ZAN: variants seen among roughly 807,000 people sequenced by gnomAD.
ZAN encodes zonadhesin (gene/pseudogene).
ZAN carries 260 observed loss-of-function variants against 286.2 expected under a neutral mutation model. That is an observed-to-expected ratio of 0.91 (90% CI 0.82 to 1.01). ZAN has a LOEUF of 1.01. Ranked by LOEUF, ZAN falls within the 50% of genes least tolerant of loss-of-function variation. The pLI is 0.00. For missense variants in ZAN, 3,410 were observed against 3,639.2 expected (o/e 0.94, Z 1.62); for synonymous variants, 1,368 against 1,417.5 (o/e 0.97, Z 0.79).
At chr7:100,774,780 C>T (rs953506526) in intron 31 of ZAN, among the ~76,000 whole-genome samples, 2 of 151,366 alleles carry the variant, frequency 1.3e-5, no homozygotes, top group Non-Finnish European at 2.9e-5. Context: ...GAGCTATGAC[C>T]ATATGCCATT....
At chr7:100,783,791 T>C (rs376921810) in intron 35 of ZAN, among the ~76,000 whole-genome samples, 223 of 14,542 alleles carry the variant, frequency 0.015, 10 homozygotes, top group East Asian at 0.048. Context: ...TATACACATA[T>C]ATATATATAC....
chr7:100,746,398 G>C, intron 7 of ZAN, 140 bp from the exon 8 acceptor site: 1 of 1,104,028 alleles, frequency 9.1e-7, no homozygotes, highest in Non-Finnish European at 1.3e-6. Flanking sequence ...AGTTGGGATA[G>C]GACCACCTCA....
At position 100,736,928 on chromosome 7, in the gene ZAN, G is replaced by T. The variant is rs762580253; in HGVS notation, c.373G>T (p.Gly125Trp). 6.7e-7 allele frequency: 1 copy of T among 1,498,912 alleles called. No individual in the cohort carries two copies. Among genetic ancestry groups the T allele is most frequent in the South Asian group, 1.2e-5 (1 of 85,788 alleles). 92.9% of individuals were successfully genotyped at this position (1,498,912 alleles called of 1,614,324 possible). Residue 125 changes from glycine to tryptophan, a missense_variant, in exon 5 of 48, where the codon GGG becomes TGG. By Grantham distance (184) the Gly-to-Trp change is radical. Transcript: ENST00000613979. Reference protein sequence around the residue: ...LCVHFAHHMFGLSWGAQLRLL... With the variant: ...LCVHFAHHMFWLSWGAQLRLL... The stretch of plus-strand genomic sequence containing the variant: ...TGTGCACTTTGCCCACCACATGTTC[G>T]GGCTGTCTTGGGGCGCCCAGCTCAG...
chr7:100,742,894 A>AGGGGG, intron 7 of ZAN, among the ~76,000 whole-genome samples: 1 of 35,230 alleles, frequency 2.8e-5, no homozygotes, highest in African/African-American at 8.6e-5. Flanking sequence ...GGGGAGGGGG[A>AGGGGG]CGGGGACGAT....
rs182160214 is a variant in ZAN at position 100,771,029 on chromosome 7, C to T, written c.5249-815C>T. 5.6e-4 allele frequency among the ~76,000 whole-genome samples: 85 copies of T among 152,226 alleles called. 2 individuals carry two copies. The highest frequency in any genetic ancestry group is 1.8e-3 in the African/African-American group (76 of 41,526). ...ATGTTGGCCAGGCTGATCTTGAACT[C>T]CTGACCTCAAATGATCCACCTGCCT... On this transcript the variant is annotated intron_variant, in intron 28 of 47. Coordinates refer to ENST00000613979, the MANE Select transcript of ZAN (RefSeq NM_003386.3).
chr7:100,779,109 A>G (rs892682581), intron 34 of ZAN, among the ~76,000 whole-genome samples: 7 of 151,878 alleles, frequency 4.6e-5, no homozygotes, highest in African/African-American at 1.7e-4. Flanking sequence ...AGGCTGAGGC[A>G]GGAGAATCGC....
chr7:100,762,380 C>CG (rs777039290), intron 20 of ZAN, 22 bp downstream of exon 20: 1 of 1,583,516 alleles, frequency 6.3e-7, no homozygotes, highest in Non-Finnish European at 8.6e-7. Flanking sequence ...GCCCTCCCAC[C>CG]GGGGCCCTGG....
rs752559382 is a variant in ZAN at position 100,751,903 on chromosome 7, A to G, written c.1798A>G (p.Ile600Val). Residue 600 changes from isoleucine (I) to valine (V), a missense_variant, in exon 14 of 48, where the codon ATC becomes GTC. Transcript: ENST00000613979. The part of the protein sequence containing the change: ...KPTIPTEKPT[I>V]STEKPTIPSE... ...CACCATTCCCACAGAAAAACCCACC[A>G]TCTCCACAGAAAAACCCACCATTCC... The G allele has an allele frequency of 1.2e-6, 2 of 1,613,268 alleles. No individual in the cohort carries two copies. Among genetic ancestry groups the G allele is most frequent in the Non-Finnish European group, 1.7e-6 (2 of 1,179,818 alleles).
Position 100,779,599 on chromosome 7 carries a change from A to G in ZAN, c.6471A>G (p.Ile2157Met), listed in dbSNP as rs766531868. The G allele has an allele frequency of 3.1e-6, 5 of 1,608,288 alleles. No individual in the cohort carries two copies. Among genetic ancestry groups the G allele is most frequent in the Non-Finnish European group, 4.2e-6 (5 of 1,177,490 alleles). ...TGTGGGCCCAGTGCGCCTCCCGCAT[A>G]GACCTCACGCCCTTCCTGGTGGACT... ...APVWAQCASR[I>M]DLTPFLVDCA... is the part of the protein sequence containing the mutation. Residue 2157 changes from isoleucine (I) to methionine (M), a missense_variant, in exon 35 of 48, where the codon ATA becomes ATG. By Grantham distance (10) the Ile-to-Met change is conservative. Around this residue, in one of 7 missense-constraint regions of ZAN, gnomAD observed 1,289 missense variants for 1,314.3 expected, o/e 0.98. Transcript: ENST00000613979.
intron 13 of ZAN, 73 bp from the exon 14 acceptor site, chr7:100,751,639 C>T: frequency 6.7e-7 from 1 of 1,484,800 alleles, no homozygotes; most frequent in Non-Finnish European, 9.0e-7. Context: ...GAGCCCACTC[C>T]AGTTAGATGG....
In ZAN at chr7:100,755,229, G is replaced by T. The variant is rs1040143692; in HGVS notation, c.3128G>T (p.Arg1043Leu). The change falls in exon 15 of 48, where the codon CGC (arginine) becomes CTC (leucine). Residue 1043 changes from arginine (R) to leucine (L), a missense_variant. Physicochemically the swap from Arg to Leu is moderately radical, Grantham distance 102. Coordinates refer to ENST00000613979, the MANE Select transcript of ZAN (RefSeq NM_003386.3). ...ACAGAGGCTGTTTTCCCCTTAGAGC[G>T]CTGCCCTCCAAATGCCCGCTACGAA... is the stretch of plus-strand genomic sequence containing the variant. ...TTTTSRSSTERCPPNARYESC... is the reference protein window; with the variant it reads ...TTTTSRSSTELCPPNARYESC... The T allele has an allele frequency of 1.2e-6, 2 of 1,611,330 alleles. No homozygotes were observed. The highest frequency in any genetic ancestry group is 3.3e-5 in the Admixed American group (2 of 59,752).
At chr7:100,750,164 G>A (rs974544926) in intron 11 of ZAN, among the ~76,000 whole-genome samples, 2 of 150,286 alleles carry the variant, frequency 1.3e-5, no homozygotes, top group African/African-American at 4.9e-5. Context: ...TTGAGATGGA[G>A]TCTTGCTCTG....
chr7:100,761,190 C>T (rs772274874), intron 19 of ZAN, among the ~76,000 whole-genome samples: 7 of 152,004 alleles, frequency 4.6e-5, no homozygotes, highest in African/African-American at 1.2e-4. Flanking sequence ...CTGTGCCCGG[C>T]GAAAGAAAGA....
At chr7:100,775,892 G>A (rs947478435) in intron 33 of ZAN, 59 bp downstream of exon 33, 73 of 1,585,026 alleles carry the variant, frequency 4.6e-5, no homozygotes, top group Middle Eastern at 3.4e-4. Context: ...ATTGGTGGCC[G>A]GCAGGGATGG....
chr7:100,797,467 T>C lies in ZAN; in HGVS notation c.8366+2T>C. On this transcript the variant is annotated splice_donor_variant, in intron 46 of 47. Transcript: ENST00000613979. LOFTEE classifies it high-confidence loss of function. ...CATTTACAGAACGAGGAGGAAGAGG[T>C]GAGTCCTGGGAAGGAGAGAGGAAGG... 5 of 1,613,314 alleles carry C rather than the reference T, an allele frequency of 3.1e-6. No individual in the cohort carries two copies. The highest frequency in any genetic ancestry group is 2.2e-5 in the East Asian group (1 of 44,838).
At chr7:100,768,546 T>C in intron 26 of ZAN, 64 bp from the exon 27 acceptor site, 1 of 1,360,832 alleles carries the variant, frequency 7.3e-7, no homozygotes, top group Non-Finnish European at 1.0e-6. Flanking sequence ...AGGAGGATGG[T>C]GGCCCTGGGG....
intron 40 of ZAN, among the ~76,000 whole-genome samples, chr7:100,791,374 C>G (rs993661111): frequency 6.6e-6 from 1 of 151,920 alleles, no homozygotes; most frequent in Non-Finnish European, 1.5e-5. Flanking sequence ...CTTTCCTCCT[C>G]CTCCTCTTCC....
intron 31 of ZAN, among the ~76,000 whole-genome samples, chr7:100,774,264 A>C (rs1400147383): frequency 6.6e-6 from 1 of 152,088 alleles, no homozygotes; most frequent in Non-Finnish European, 1.5e-5. Context: ...CAGCTACTCG[A>C]GAGGCTGAGG....
intron 18 of ZAN, among the ~76,000 whole-genome samples, 170 bp downstream of exon 18, chr7:100,760,015 G>A (rs895164361): frequency 2.0e-5 from 3 of 152,052 alleles, no homozygotes; most frequent in Non-Finnish European, 4.4e-5. Context: ...GGAGTTTGAA[G>A]CCAGCCTGGG....
Sources: gnomAD v4.1 joint callset for allele counts (sites outside exome capture counted in the v4.1 genomes callset) on GRCh38, gnomAD v4.1.1 for gene constraint, gnomAD v4.1.1 regional missense constraint, MANE v1.5 for transcripts, NCBI Gene and HGNC (gene_info 2026-07-23, HGNC 2026-07-21) for gene names.